MYBPC3: variants seen among roughly 807,000 people sequenced by gnomAD.
The protein encoded by MYBPC3 is myosin binding protein C3.
MYBPC3 carries 108 observed loss-of-function variants against 159.3 expected under a neutral mutation model. The ratio of observed to expected loss-of-function variants is 0.68; its 90% CI spans 0.58 to 0.80. The LOEUF (loss-of-function observed/expected upper bound fraction) is 0.80. MYBPC3 is among the 30% of genes least tolerant of loss of function. The pLI, the probability that MYBPC3 is intolerant of heterozygous loss-of-function variation, is 0.00. For missense variants in MYBPC3, 1,631 were observed against 1,762.1 expected, an observed-to-expected ratio of 0.93 and a Z score of 1.33; for synonymous variants, 730 against 702.0, an observed-to-expected ratio of 1.04 and a Z score of -0.63.
chr11:47,331,523 A>C lies in MYBPC3; in HGVS notation c.*220T>G. On this transcript the variant is annotated 3_prime_UTR_variant, in exon 35 of 35. Coordinates refer to ENST00000545968, the MANE Select transcript of MYBPC3 (RefSeq NM_000256.3). ...TTGAGGCCACCCTCCTTTTACCCCA[A>C]AGATCCAGGGGCTTCCTTCAGGAGC... The C allele has an allele frequency of 3.8e-6, 1 of 264,470 alleles. No individual in the cohort carries two copies. Among genetic ancestry groups the C allele is most frequent in the Non-Finnish European group, 7.2e-6 (1 of 139,706 alleles). 16.4% of individuals were successfully genotyped at this position (264,470 alleles called of 1,614,324 possible). A position where few individuals can be genotyped will look rare whatever the true frequency, so the allele number is the denominator to read the frequency against.
chr11:47,347,828 TC>T, intron 7 of MYBPC3, 28 bp downstream of exon 7: 1 of 1,556,456 alleles, frequency 6.4e-7, no homozygotes, highest in Non-Finnish European at 8.7e-7. Flanking sequence ...AGCACTGGCC[TC>T]CCCCAGGCCC....
rs1443720240 is a variant in MYBPC3, at chr11:47,337,559, T to C, written c.2434A>G (p.Lys812Glu). 2 of 1,613,830 alleles carry C rather than the reference T, an allele frequency of 1.2e-6. No homozygotes were observed. The change falls in exon 25 of 35, where the codon AAG (lysine) becomes GAG (glutamate). Residue 812 changes from lysine (K) to glutamate (E), a missense_variant. Transcript: ENST00000545968. Reference sequence around the variant, plus strand: ...CGCATCCACCGGTAGCTCTTCTTCTTCTTGCGCTCCAGGATGTAGCCTGGC... The same window carrying C: ...CGCATCCACCGGTAGCTCTTCTTCTCCTTGCGCTCCAGGATGTAGCCTGGC... ...PILGYILERK[K>E]KKSYRWMRLN...
chr11:47,339,852 G>T, intron 20 of MYBPC3, 62 bp from the exon 21 acceptor site: 2 of 1,568,714 alleles, frequency 1.3e-6, no homozygotes, highest in Non-Finnish European at 1.7e-6. Flanking sequence ...AGGTCACTGG[G>T]GCGGGGCTGC....
In MYBPC3 at chr11:47,351,392, T is replaced by C. The variant is rs1267396024; in HGVS notation, c.139A>G (p.Ser47Gly). ...TACTTGTTGCTGGCGCTGATGTCACTGCCTCCGCGCTGCCAGCGCACCTTC... is the reference window on the plus strand; with the variant it reads ...TACTTGTTGCTGGCGCTGATGTCACCGCCTCCGCGCTGCCAGCGCACCTTC... The part of the protein sequence containing the change: ...GVKVRWQRGG[S>G]DISASNKYGL... The change falls in exon 2 of 35, where the codon AGT becomes GGT. Residue 47 changes from serine to glycine, a missense_variant. Ser to Gly is a moderately conservative substitution (Grantham distance 56, BLOSUM62 0). Coordinates refer to ENST00000545968, the MANE Select transcript of MYBPC3 (RefSeq NM_000256.3). The surrounding 1 kb of genome is among the most constrained non-coding windows in gnomAD (Gnocchi z 4.2). 4 of 1,609,778 alleles carry C rather than the reference T, an allele frequency of 2.5e-6. No individual in the cohort carries two copies. Among genetic ancestry groups the C allele is most frequent in the Non-Finnish European group, 3.4e-6 (4 of 1,178,530 alleles).
At chr11:47,336,856 C>A (rs994289969) in intron 25 of MYBPC3, among the ~76,000 whole-genome samples, 9 of 152,200 alleles carry the variant, frequency 5.9e-5, no homozygotes, top group Admixed American at 2.0e-4. Context: ...CTCCAGTTGG[C>A]CCCCCGGGGA....
intron 5 of MYBPC3, among the ~76,000 whole-genome samples, chr11:47,349,140 G>A (rs1448433406): frequency 6.6e-6 from 1 of 151,422 alleles, no homozygotes; most frequent in Non-Finnish European, 1.5e-5. Flanking sequence ...AGGCCCCCTT[G>A]CCTAGCCCAG....
chr11:47,347,798 C>T (rs1251914749), intron 7 of MYBPC3, 59 bp downstream of exon 7: 9 of 1,548,984 alleles, frequency 5.8e-6, no homozygotes, highest in South Asian at 1.2e-5. Context: ...CAGTCGAGAC[C>T]CTGAAGGGCC....
Position 47,346,220 on chromosome 11 carries a change from C to T in MYBPC3, c.1077G>A (p.Glu359=). The T allele has an allele frequency of 6.2e-7, 1 of 1,613,946 alleles. No individual in the cohort carries two copies. The highest frequency in any genetic ancestry group is 8.5e-7 in the Non-Finnish European group (1 of 1,179,856). Reference sequence around the variant, plus strand: ...GGAAGGGCTAACCTGTGCTCTTCTTCTCATCGCGCCTCATGCCCTTGAGCC... The same window carrying T: ...GGAAGGGCTAACCTGTGCTCTTCTTTTCATCGCGCCTCATGCCCTTGAGCC... The part of the protein sequence containing the change: ...LKRLKGMRRD[E]KKSTAFQKKL... The change falls in exon 12 of 35, where the codon GAG becomes GAA. Residue 359 remains glutamate, a synonymous_variant. Coordinates refer to ENST00000545968, the MANE Select transcript of MYBPC3 (RefSeq NM_000256.3). The surrounding 1 kb of genome is among the most constrained non-coding windows in gnomAD (Gnocchi z 5.3).
intron 5 of MYBPC3, 116 bp downstream of exon 5, chr11:47,349,658 C>A: frequency 1.4e-6 from 2 of 1,394,964 alleles, no homozygotes; most frequent in East Asian, 2.5e-5. Flanking sequence ...TCCCCACACC[C>A]CTTGCTTGCA....
intron 5 of MYBPC3, among the ~76,000 whole-genome samples, 187 bp downstream of exon 5, chr11:47,349,587 T>C (rs1347575280): frequency 6.7e-6 from 1 of 148,810 alleles, no homozygotes; most frequent in Non-Finnish European, 1.5e-5. Flanking sequence ...TCGCACTCCC[T>C]GGCCCCCAGG....
chr11:47,333,046 C>A, intron 30 of MYBPC3, 73 bp from the exon 31 acceptor site: 1 of 1,544,636 alleles, frequency 6.5e-7, no homozygotes. Flanking sequence ...TCCTGGGTGC[C>A]CTTGGCATCT....
chr11:47,335,475 C>G (rs963854908), intron 26 of MYBPC3: 4 of 323,420 alleles, frequency 1.2e-5, no homozygotes, highest in African/African-American at 8.6e-5. Context: ...TCACAGGTGC[C>G]CACCACCACA....
chr11:47,331,753 C>A, intron 34 of MYBPC3, 37 bp from the exon 35 acceptor site: 1 of 1,284,942 alleles, frequency 7.8e-7, no homozygotes, highest in South Asian at 1.4e-5. Context: ...AATGGAGGGC[C>A]CCTACAGCCT....
chr11:47,339,420 G>A lies in MYBPC3; in HGVS notation c.2068-16C>T. The A allele has an allele frequency of 6.2e-7, 1 of 1,613,042 alleles. No individual in the cohort carries two copies. Reference sequence around the variant, plus strand: ...CCTTATTCCCCTGGGAACAGGGCAGGAGGGAAGTAGGGAGCAGAGGAGCTG... The same window carrying A: ...CCTTATTCCCCTGGGAACAGGGCAGAAGGGAAGTAGGGAGCAGAGGAGCTG... On this transcript the variant is annotated splice_polypyrimidine_tract_variant and intron_variant, in intron 21 of 34. Coordinates refer to ENST00000545968, the MANE Select transcript of MYBPC3 (RefSeq NM_000256.3).
At chr11:47,333,504 G>T (rs1430118418) in intron 29 of MYBPC3, 53 bp downstream of exon 29, 7 of 1,593,252 alleles carry the variant, frequency 4.4e-6, no homozygotes, top group Non-Finnish European at 6.0e-6. Context: ...GGCCCCAGCA[G>T]CCCAGCCCAG....
At chr11:47,333,385 G>A in intron 29 of MYBPC3, 52 bp from the exon 30 acceptor site, 1 of 1,510,912 alleles carries the variant, frequency 6.6e-7, no homozygotes, top group Non-Finnish European at 8.9e-7. Context: ...AGTGAGCAGG[G>A]GGTCACTGGC....
In MYBPC3 at chr11:47,351,728, C is replaced by T. The variant is rs991757088; in HGVS notation, c.26-223G>A. On this transcript the variant is annotated intron_variant, in intron 1 of 34. Coordinates refer to ENST00000545968, the MANE Select transcript of MYBPC3 (RefSeq NM_000256.3). This position sits in a 1 kb window ranked among gnomAD's most constrained non-coding sequence, Gnocchi z 4.2. ...CCTCCAAGATCACACAGCTAGCAGT[C>T]GGGAGAGCCAGGGCTGTGGTCCTGA... Among the ~76,000 whole-genome samples, 3 of 152,220 alleles carry T rather than the reference C, an allele frequency of 2.0e-5. No homozygotes were observed. Among genetic ancestry groups the T allele is most frequent in the Non-Finnish European group, 4.4e-5 (3 of 68,046 alleles).
intron 18 of MYBPC3, 133 bp from the exon 19 acceptor site, chr11:47,341,377 T>C (rs2095888415): frequency 1.6e-6 from 1 of 639,122 alleles, no homozygotes; most frequent in Non-Finnish European, 2.6e-6. Context: ...AAAAATGCCT[T>C]TTTTTTTCTA....
chr11:47,346,677 G>A lies in MYBPC3; in HGVS notation c.909-33C>T, dbSNP rs918392588. 1.9e-5 allele frequency: 30 copies of A among 1,593,700 alleles called. No individual in the cohort carries two copies. The highest frequency in any genetic ancestry group is 2.6e-5 in the Non-Finnish European group (30 of 1,169,350). ...AGGGGTGGGGGTGGGAGAAAGGGTA[G>A]GTGGCACATGAGAGGTATGGCCACC... On this transcript the variant is annotated intron_variant, in intron 10 of 34. Coordinates refer to ENST00000545968, the MANE Select transcript of MYBPC3 (RefSeq NM_000256.3). The surrounding 1 kb of genome is among the most constrained non-coding windows in gnomAD (Gnocchi z 5.3).
Sources: allele counts gnomAD v4.1 joint callset (sites outside exome capture counted in the v4.1 genomes callset), GRCh38; gene constraint gnomAD v4.1.1; non-coding constraint Gnocchi (gnomAD v3.1); transcripts MANE v1.5; gene names NCBI Gene and HGNC (gene_info 2026-07-23, HGNC 2026-07-21).